Variants in DIAPH2 observed in about 807,000 individuals in gnomAD.
DIAPH2 encodes diaphanous related formin 2.
Under a neutral mutation model 92.7 loss-of-function variants are expected in DIAPH2, and 35 were observed. The observed-to-expected ratio is 0.38, with a 90% CI of 0.29 to 0.50. The LOEUF (loss-of-function observed/expected upper bound fraction) is 0.50, where lower values mean the gene tolerates loss of function less well. Ranked by LOEUF, DIAPH2 falls within the 20% of genes least tolerant of loss-of-function variation. The probability of loss-of-function intolerance (pLI) is 0.94; values close to 1 mark genes in which losing one functional copy is unlikely to be tolerated. For missense variants in DIAPH2, 701 were observed against 819.5 expected (o/e 0.86, Z 1.77); for synonymous variants, 301 against 280.4 (o/e 1.07, Z -0.73).
intron 21 of DIAPH2, among the ~76,000 whole-genome samples, chrX:97,136,622 C>CT (rs1416601402): frequency 1.8e-5 from 2 of 111,382 alleles, no homozygotes; most frequent in African/African-American, 3.3e-5. Flanking sequence ...TTATGACCAT[C>CT]TTTTCATAGT....
intron 16 of DIAPH2, among the ~76,000 whole-genome samples, chrX:96,961,347 C>T: frequency 9.4e-6 from 1 of 106,672 alleles, no homozygotes; most frequent in African/African-American, 3.4e-5. Flanking sequence ...TATTTCTGTG[C>T]TATCAGTTGT....
rs1171723251 is a variant in DIAPH2, at chrX:97,272,001, C to CT, written c.2844+24172dup. Among the ~76,000 whole-genome samples the CT allele has an allele frequency of 4.7e-5, 5 of 107,232 alleles. No individual in the cohort carries two copies. In the East Asian group the frequency reaches 8.7e-4, roughly 19 times the overall value. 93.1% of individuals were successfully genotyped at this position (107,232 alleles called of 115,157 possible). A position where few individuals can be genotyped will look rare whatever the true frequency, so the allele number is the denominator to read the frequency against. The stretch of plus-strand genomic sequence containing the variant: ...AAAATAATAATGCCCATGTTAAAAA[C>CT]TTTTTTTTTTCTTTAAGATGGAGTT... On this transcript the variant is annotated intron_variant, in intron 23 of 26. Transcript: ENST00000324765.
chrX:97,558,340 A>G (rs988261589), intron 26 of DIAPH2, among the ~76,000 whole-genome samples: 1 of 112,324 alleles, frequency 8.9e-6, no homozygotes, highest in Admixed American at 9.4e-5. Context: ...GTTTTCCTAG[A>G]GGACAAAGAA....
chrX:97,570,920 T>G (rs1192787083), intron 26 of DIAPH2, among the ~76,000 whole-genome samples: 1 of 111,989 alleles, frequency 8.9e-6, no homozygotes, highest in East Asian at 2.8e-4. Context: ...TACTAATCAA[T>G]TTATAATCTG....
At chrX:96,954,750 AT>A (rs1207038914) in intron 15 of DIAPH2, among the ~76,000 whole-genome samples, 1 of 112,482 alleles carries the variant, frequency 8.9e-6, no homozygotes, top group African/African-American at 3.2e-5. Context: ...CAGGGTTATA[AT>A]AAGGATCAAA....
intron 4 of DIAPH2, among the ~76,000 whole-genome samples, chrX:96,837,429 C>G (rs1043400286): frequency 1.3e-4 from 5 of 39,096 alleles, no homozygotes; most frequent in Non-Finnish European, 2.0e-4. Flanking sequence ...CTCTCTCTCT[C>G]TCTCTGTGTG....
chrX:97,292,242 C>G (rs997764961), intron 23 of DIAPH2, among the ~76,000 whole-genome samples: 13 of 110,398 alleles, frequency 1.2e-4, no homozygotes, highest in African/African-American at 3.6e-4. Flanking sequence ...CCATGTTGCC[C>G]AGGCTGGTCT....
intron 17 of DIAPH2, among the ~76,000 whole-genome samples, chrX:96,981,175 G>A (rs751861836): frequency 3.2e-4 from 33 of 102,900 alleles, no homozygotes; most frequent in Non-Finnish European, 4.8e-4. Flanking sequence ...CCTATCTCGG[G>A]AAAAAAAAAA....
chrX:97,308,737 C>T (rs976356811), intron 23 of DIAPH2, among the ~76,000 whole-genome samples: 1 of 105,385 alleles, frequency 9.5e-6, no homozygotes, highest in Non-Finnish European at 1.9e-5. Flanking sequence ...TCTCCTGCCT[C>T]AGCCTCCCAA....
intron 19 of DIAPH2, among the ~76,000 whole-genome samples, chrX:97,086,497 T>C (rs915911143): frequency 1.8e-5 from 2 of 111,517 alleles, no homozygotes; most frequent in African/African-American, 3.3e-5. Flanking sequence ...CTAATAACAG[T>C]GTATTGCAGC....
At chrX:96,718,336 G>GTTTTTTTTT (rs962776012) in intron 1 of DIAPH2, among the ~76,000 whole-genome samples, 2 of 10,991 alleles carry the variant, frequency 1.8e-4, no homozygotes, top group Non-Finnish European at 2.8e-4. Flanking sequence ...CATTTTCTTT[G>GTTTTTTTTT]TTTTTTTTTT....
Position 96,826,201 on chromosome X carries a change from G to A in DIAPH2, c.448-55378G>A, listed in dbSNP as rs183039506. 4.0e-3 allele frequency among the ~76,000 whole-genome samples: 437 copies of A among 110,626 alleles called. 3 individuals are homozygous for A. Among genetic ancestry groups the A allele is most frequent in the African/African-American group, 0.014 (419 of 30,365 alleles). On this transcript the variant is annotated intron_variant, in intron 4 of 26. Coordinates refer to ENST00000324765, the MANE Select transcript of DIAPH2 (RefSeq NM_006729.5). ...GGAGGCCGAGGTGGGTGGATCACTC[G>A]AGGACAGGAATTCGAGACCAGCCTG... is the stretch of plus-strand genomic sequence containing the variant.
At chrX:97,367,979 G>C (rs903714820) in intron 24 of DIAPH2, among the ~76,000 whole-genome samples, 6 of 112,114 alleles carry the variant, frequency 5.4e-5, no homozygotes, top group African/African-American at 1.9e-4. Context: ...CCAAAGTGCT[G>C]GGATTACAGG....
intron 26 of DIAPH2, among the ~76,000 whole-genome samples, chrX:97,523,963 A>G (rs968335044): frequency 4.5e-5 from 5 of 112,074 alleles, no homozygotes; most frequent in Admixed American, 2.9e-4. Flanking sequence ...TTCTTTTAAG[A>G]AAAAGAAAGC....
At chrX:96,749,968 T>A (rs953243247) in intron 3 of DIAPH2, among the ~76,000 whole-genome samples, 8 of 111,301 alleles carry the variant, frequency 7.2e-5, no homozygotes, top group African/African-American at 2.6e-4. Context: ...GAAAAGGAGT[T>A]ACTTTCTTAC....
At chrX:97,125,290 T>C (rs2067084906) in intron 21 of DIAPH2, among the ~76,000 whole-genome samples, 2 of 108,313 alleles carry the variant, frequency 1.8e-5, no homozygotes, top group East Asian at 2.9e-4. Context: ...CTGGCCAAGA[T>C]GGTGAAATCC....
At chrX:97,537,200 G>A (rs770257481) in intron 26 of DIAPH2, among the ~76,000 whole-genome samples, 38 of 111,228 alleles carry the variant, frequency 3.4e-4, no homozygotes, top group African/African-American at 1.2e-3. Context: ...GATAGAGGGG[G>A]CATAAAGATG....
At chrX:96,761,981 A>G (rs2064272223) in intron 4 of DIAPH2, among the ~76,000 whole-genome samples, 1 of 111,631 alleles carries the variant, frequency 9.0e-6, no homozygotes, top group African/African-American at 3.2e-5. Flanking sequence ...ATTTACTTGG[A>G]AACTGTCATT....
intron 25 of DIAPH2, among the ~76,000 whole-genome samples, chrX:97,387,157 G>A (rs2069611197): frequency 9.0e-6 from 1 of 111,419 alleles, no homozygotes; most frequent in Non-Finnish European, 1.9e-5. Flanking sequence ...CTCCCAGCCA[G>A]AAAGGTCATT....
Sources: gnomAD v4.1 joint callset for allele counts (sites outside exome capture counted in the v4.1 genomes callset) on GRCh38, gnomAD v4.1.1 for gene constraint, MANE v1.5 for transcripts, NCBI Gene and HGNC (gene_info 2026-07-23, HGNC 2026-07-21) for gene names.